SCAF11: variants seen among roughly 807,000 people sequenced by gnomAD.
SCAF11 encodes the protein protein SCAF11.
Under a neutral mutation model 140.5 loss-of-function variants are expected in SCAF11, and 47 were observed. The ratio of observed to expected loss-of-function variants is 0.33; its 90% CI spans 0.26 to 0.43. SCAF11 has a LOEUF of 0.43. SCAF11 is among the 20% of genes least tolerant of loss of function. SCAF11 has a pLI of 1.00. For synonymous variants in SCAF11, 557 were observed against 579.4 expected, an observed-to-expected ratio of 0.96 and a Z score of 0.55; for missense variants, 1,645 against 1,705.1, an observed-to-expected ratio of 0.96 and a Z score of 0.62.
intron 6 of SCAF11, among the ~76,000 whole-genome samples, chr12:45,943,462 T>C (rs1945352506): frequency 6.6e-6 from 1 of 152,338 alleles, no homozygotes; most frequent in Non-Finnish European, 1.5e-5. Flanking sequence ...TATTACAGTA[T>C]ATTATTATAA....
chr12:45,935,514 T>C (rs750783536), intron 6 of SCAF11, among the ~76,000 whole-genome samples: 4 of 152,238 alleles, frequency 2.6e-5, no homozygotes, highest in Non-Finnish European at 5.9e-5. Context: ...GGTACACAGA[T>C]AACACTCTTA....
chr12:45,971,048 CCAGA>C (rs1946060103), intron 1 of SCAF11, among the ~76,000 whole-genome samples: 2 of 152,004 alleles, frequency 1.3e-5, no homozygotes, highest in African/African-American at 2.4e-5. Flanking sequence ...AAATCGTCAG[CCAGA>C]CAATGAAGAC....
chr12:45,961,584 T>A, intron 3 of SCAF11, 116 bp downstream of exon 3: 1 of 882,908 alleles, frequency 1.1e-6, no homozygotes, highest in South Asian at 2.1e-5. Context: ...AGGAAATTTG[T>A]CCAAAGTAGG....
At chr12:45,986,323 T>C (rs1290778841) in intron 1 of SCAF11, among the ~76,000 whole-genome samples, 2 of 152,228 alleles carry the variant, frequency 1.3e-5, no homozygotes, top group Non-Finnish European at 2.9e-5. Flanking sequence ...CCCAGGAATG[T>C]AATCCAGAAA....
chr12:45,973,005 T>TATATAG (rs1946146701), intron 1 of SCAF11, among the ~76,000 whole-genome samples: 1 of 144,404 alleles, frequency 6.9e-6, no homozygotes, highest in Non-Finnish European at 1.5e-5. Flanking sequence ...TATATAGATA[T>TATATAG]ATATATAGAT....
chr12:45,983,673 A>G (rs557744821), intron 1 of SCAF11, among the ~76,000 whole-genome samples: 2 of 151,930 alleles, frequency 1.3e-5, no homozygotes, highest in South Asian at 2.1e-4. Context: ...GATCACCTAT[A>G]AAAGGTGACA....
upstream of SCAF11, chr12:45,992,016 G>C: frequency 7.8e-7 from 1 of 1,288,846 alleles, no homozygotes; most frequent in South Asian, 1.2e-5. Context: ...ACTTTGCCGC[G>C]GCCCCGCCGA....
chr12:45,976,992 G>A (rs895251408), intron 1 of SCAF11, among the ~76,000 whole-genome samples: 1 of 151,970 alleles, frequency 6.6e-6, no homozygotes, highest in Non-Finnish European at 1.5e-5. Flanking sequence ...TGAAGAAATT[G>A]AATTTGTAGT....
In SCAF11 at chr12:45,934,185, C is replaced by G; in HGVS notation, c.623G>C (p.Arg208Thr). 1 of 1,545,494 alleles carries G rather than the reference C, an allele frequency of 6.5e-7. No homozygotes were observed. Among genetic ancestry groups the G allele is most frequent in the Non-Finnish European group, 8.9e-7 (1 of 1,121,180 alleles). ...SHSGESSFTY[R>T]AYCTEFIEAS... ...AGTAGAAAATACTAACCAATAAGCTCTATAGGTAAAGGAAGATTCTCCAGA... is the reference window on the plus strand; with the variant it reads ...AGTAGAAAATACTAACCAATAAGCTGTATAGGTAAAGGAAGATTCTCCAGA... Residue 208 changes from arginine (R) to threonine (T), a missense_variant, in exon 8 of 15, where the codon AGA becomes ACA. By Grantham distance (71) the Arg-to-Thr change is moderately conservative (BLOSUM62 -1). Around this residue, in one of 2 missense-constraint regions of SCAF11, gnomAD observed 1,582 missense variants for 1,609.2 expected, o/e 0.98. Coordinates refer to ENST00000369367, the MANE Select transcript of SCAF11 (RefSeq NM_004719.3).
At chr12:45,934,424 G>T (rs1945124355) in intron 7 of SCAF11, 23 bp downstream of exon 7, 5 of 1,556,076 alleles carry the variant, frequency 3.2e-6, no homozygotes, top group Non-Finnish European at 4.4e-6. Flanking sequence ...CTAAGAAAAA[G>T]ATTTTTCTTG....
intron 1 of SCAF11, among the ~76,000 whole-genome samples, chr12:45,980,491 T>C (rs1946324531): frequency 6.6e-6 from 1 of 152,214 alleles, no homozygotes. Context: ...ACAGTGATAC[T>C]GTCATTACCC....
chr12:45,983,525 G>A (rs1323526176), intron 1 of SCAF11, among the ~76,000 whole-genome samples: 1 of 152,010 alleles, frequency 6.6e-6, no homozygotes, highest in African/African-American at 2.4e-5. Context: ...ACAGAACACT[G>A]CATTAAAAAG....
chr12:45,936,446 T>A (rs551804307), intron 6 of SCAF11, among the ~76,000 whole-genome samples: 1 of 152,146 alleles, frequency 6.6e-6, no homozygotes, highest in South Asian at 2.1e-4. Flanking sequence ...CCAGCCAGCT[T>A]CATTCAGGTA....
intron 3 of SCAF11, among the ~76,000 whole-genome samples, chr12:45,952,237 CCA>C (rs1945567244): frequency 6.6e-6 from 1 of 152,150 alleles, no homozygotes; most frequent in South Asian, 2.1e-4. Flanking sequence ...GATGGCCACT[CCA>C]GAGGCAGTTT....
At chr12:45,957,690 G>A (rs1277593520) in intron 3 of SCAF11, among the ~76,000 whole-genome samples, 6 of 152,018 alleles carry the variant, frequency 3.9e-5, no homozygotes, top group Admixed American at 6.6e-5. Context: ...ATACTTAAAA[G>A]ATAAGGGAAA....
At chr12:45,960,763 A>C (rs551522137) in intron 3 of SCAF11, 1 of 152,190 alleles carries the variant, frequency 6.6e-6, no homozygotes, top group South Asian at 2.1e-4. Flanking sequence ...CCACACTATT[A>C]ATGAAAATTT....
intron 1 of SCAF11, among the ~76,000 whole-genome samples, chr12:45,972,754 A>G (rs1946107430): frequency 6.7e-6 from 1 of 149,024 alleles, no homozygotes; most frequent in Non-Finnish European, 1.5e-5. Flanking sequence ...CTCTCATGGG[A>G]AAAGACAATT....
At chr12:45,942,220 T>TGC (rs1024675154) in intron 6 of SCAF11, among the ~76,000 whole-genome samples, 5 of 152,228 alleles carry the variant, frequency 3.3e-5, no homozygotes, top group African/African-American at 1.2e-4. Context: ...TTTCTGACTG[T>TGC]GCAGGGGTAC....
chr12:45,925,462 T>C (rs2136500072), intron 11 of SCAF11, among the ~76,000 whole-genome samples: 1 of 152,194 alleles, frequency 6.6e-6, no homozygotes, highest in Admixed American at 6.5e-5. Context: ...GGCTGGAGAA[T>C]TGCTTGAACC....
Sources: allele counts gnomAD v4.1 joint callset (sites outside exome capture counted in the v4.1 genomes callset), GRCh38; gene constraint gnomAD v4.1.1; regional missense constraint gnomAD v4.1.1; transcripts MANE v1.5; gene names NCBI Gene and HGNC (gene_info 2026-07-23, HGNC 2026-07-21).